MEGF10: variants seen among roughly 807,000 people sequenced by gnomAD.
MEGF10 encodes the protein multiple EGF like domains 10.
In MEGF10, 86 loss-of-function variants were observed where a neutral mutation model predicts 147.5. The observed-to-expected ratio is 0.58, with a 90% CI of 0.49 to 0.70. MEGF10 has a LOEUF of 0.70. Among genes scored for constraint, MEGF10 ranks in the 30% least tolerant of loss-of-function variants. The probability of loss-of-function intolerance (pLI) is 0.00; values close to 1 mark genes in which losing one functional copy is unlikely to be tolerated. For synonymous variants in MEGF10, 478 were observed against 525.5 expected (o/e 0.91, Z 1.24); for missense variants, 1,329 against 1,487.3 (o/e 0.89, Z 1.75).
chr5:127,380,673 A>G (rs1046227767), intron 5 of MEGF10, among the ~76,000 whole-genome samples: 1 of 152,010 alleles, frequency 6.6e-6, no homozygotes, highest in Non-Finnish European at 1.5e-5. Context: ...GCCTGTCACC[A>G]CGTCCAGCTA....
intron 13 of MEGF10, among the ~76,000 whole-genome samples, chr5:127,428,141 A>ATTTTTT (rs66935934): frequency 5.1e-3 from 526 of 103,488 alleles, no homozygotes; most frequent in African/African-American, 6.8e-3. Context: ...GGTGTCTGGT[A>ATTTTTT]TTTTTTTTTT....
intron 4 of MEGF10, among the ~76,000 whole-genome samples, chr5:127,341,555 A>G (rs1051769453): frequency 6.6e-6 from 1 of 152,162 alleles, no homozygotes; most frequent in African/African-American, 2.4e-5. Flanking sequence ...TTGCTGTCTC[A>G]GAGATAGGGC....
chr5:127,362,258 T>C (rs1762493793), intron 4 of MEGF10, among the ~76,000 whole-genome samples: 1 of 151,396 alleles, frequency 6.6e-6, no homozygotes, highest in Non-Finnish European at 1.5e-5. Context: ...TCTCTAATAA[T>C]AGTCTTTGTT....
intron 4 of MEGF10, among the ~76,000 whole-genome samples, chr5:127,367,157 G>A (rs1326289123): frequency 6.6e-6 from 1 of 152,084 alleles, no homozygotes; most frequent in Non-Finnish European, 1.5e-5. Context: ...CTTCTATGGT[G>A]TATATCAAAT....
intron 5 of MEGF10, among the ~76,000 whole-genome samples, chr5:127,388,327 T>A (rs1224787419): frequency 6.6e-6 from 1 of 151,654 alleles, no homozygotes; most frequent in Non-Finnish European, 1.5e-5. Context: ...TTTTGCATCT[T>A]TTATAGAGAT....
intron 1 of MEGF10, among the ~76,000 whole-genome samples, chr5:127,295,364 C>T (rs1424333000): frequency 6.6e-6 from 1 of 152,182 alleles, no homozygotes; most frequent in African/African-American, 2.4e-5. Flanking sequence ...AGTTGACCAG[C>T]TCAAGTTCAA....
intron 4 of MEGF10, among the ~76,000 whole-genome samples, chr5:127,341,254 G>T (rs978741622): frequency 3.9e-5 from 6 of 152,166 alleles, no homozygotes; most frequent in Admixed American, 6.5e-5. Flanking sequence ...GATGCAGTTT[G>T]CAATTGAGAT....
intron 8 of MEGF10, among the ~76,000 whole-genome samples, chr5:127,404,339 G>A (rs1411635431): frequency 6.9e-6 from 1 of 145,358 alleles, no homozygotes; most frequent in African/African-American, 2.7e-5. Flanking sequence ...AGAATTGTTT[G>A]AGCTCCTTAT....
intron 6 of MEGF10, among the ~76,000 whole-genome samples, chr5:127,397,774 A>G (rs150834114): frequency 5.8e-4 from 89 of 152,246 alleles, no homozygotes; most frequent in African/African-American, 2.1e-3. Context: ...ACTTGGAGCA[A>G]TTTCCCAGGA....
rs78515604 is a variant in MEGF10 at position 127,321,887 on chromosome 5, A to G, written c.-18-9404A>G. Reference sequence around the variant, plus strand: ...CTGAAGATTCTGATGATGCTCAAGTACCCTGCTACATGTCAGAGAATTATA... The same window carrying G: ...CTGAAGATTCTGATGATGCTCAAGTGCCCTGCTACATGTCAGAGAATTATA... On this transcript the variant is annotated intron_variant, in intron 1 of 24. Transcript: ENST00000503335. Among the ~76,000 whole-genome samples the G allele has an allele frequency of 1.7e-3, 254 of 152,116 alleles. 1 individual carries two copies. The highest frequency in any genetic ancestry group is 5.8e-3 in the African/African-American group (240 of 41,512).
At chr5:127,278,492 C>T in the MEGF10 span, among the ~76,000 whole-genome samples, 1 of 152,084 alleles carries the variant, frequency 6.6e-6, no homozygotes, top group Non-Finnish European at 1.5e-5. Context: ...AAACAGAGTT[C>T]TTTTTTTAAG....
chr5:127,311,453 G>A (rs779311641), intron 1 of MEGF10, among the ~76,000 whole-genome samples: 3 of 152,170 alleles, frequency 2.0e-5, no homozygotes, highest in Non-Finnish European at 4.4e-5. Context: ...GAGCCATAGG[G>A]CTGCTGTTTA....
chr5:127,268,761 T>C, the MEGF10 span, among the ~76,000 whole-genome samples: 1 of 152,160 alleles, frequency 6.6e-6, no homozygotes, highest in Non-Finnish European at 1.5e-5. Context: ...AGCACGGAGT[T>C]TGAGATCTGA....
intron 3 of MEGF10, among the ~76,000 whole-genome samples, chr5:127,340,201 C>T (rs1455442918): frequency 6.6e-6 from 1 of 151,214 alleles, no homozygotes; most frequent in Non-Finnish European, 1.5e-5. Context: ...TGGGATGAGA[C>T]TGCCCTAAGG....
At chr5:127,234,700 T>C in the MEGF10 span, among the ~76,000 whole-genome samples, 1 of 152,342 alleles carries the variant, frequency 6.6e-6, no homozygotes, top group South Asian at 2.1e-4. Flanking sequence ...AATGTCGTTA[T>C]TTAGAAAGCT....
At chr5:127,446,135 A>C (rs1765935658) in intron 20 of MEGF10, among the ~76,000 whole-genome samples, 1 of 152,168 alleles carries the variant, frequency 6.6e-6, no homozygotes, top group African/African-American at 2.4e-5. Context: ...TCGTTAACTG[A>C]AGGGAACAAA....
At chr5:127,274,846 T>C in the MEGF10 span, among the ~76,000 whole-genome samples, 1 of 152,180 alleles carries the variant, frequency 6.6e-6, no homozygotes, top group Non-Finnish European at 1.5e-5. Context: ...TTTGTTTGAT[T>C]CTCTAAATTT....
chr5:127,253,792 TAGAAA>T, the MEGF10 span, among the ~76,000 whole-genome samples: 1 of 151,994 alleles, frequency 6.6e-6, no homozygotes, highest in Non-Finnish European at 1.5e-5. Flanking sequence ...TTTTTGAGAA[TAGAAA>T]AGAAGTCTCA....
chr5:127,239,376 GACACACACACACACACAC>G, the MEGF10 span, among the ~76,000 whole-genome samples: 16 of 123,478 alleles, frequency 1.3e-4, 1 homozygote, highest in African/African-American at 3.9e-4. Context: ...GATGATGGAA[GACACACACACACACACAC>G]ACACACACAC....
Sources: gnomAD v4.1 joint callset for allele counts (sites outside exome capture counted in the v4.1 genomes callset) on GRCh38, gnomAD v4.1.1 for gene constraint, MANE v1.5 for transcripts, NCBI Gene and HGNC (gene_info 2026-07-23, HGNC 2026-07-21) for gene names.